Variants in PHACTR1 observed in about 807,000 individuals in gnomAD.
PHACTR1 encodes phosphatase and actin regulator 1.
In PHACTR1, 16 loss-of-function variants were observed where a neutral mutation model predicts 69.2. That is an observed-to-expected ratio of 0.23 (90% CI 0.16 to 0.35). The LOEUF (loss-of-function observed/expected upper bound fraction) is 0.35, where lower values mean the gene tolerates loss of function less well. Among genes scored for constraint, PHACTR1 ranks in the 10% least tolerant of loss-of-function variants. The pLI, the probability that PHACTR1 is intolerant of heterozygous loss-of-function variation, is 1.00. For missense variants in PHACTR1, 510 were observed against 734.7 expected (o/e 0.69, Z 3.54); for synonymous variants, 312 against 284.5 (o/e 1.10, Z -0.97).
intron 4 of PHACTR1, among the ~76,000 whole-genome samples, chr6:12,804,755 T>C (rs923013945): frequency 6.6e-6 from 1 of 152,168 alleles, no homozygotes; most frequent in African/African-American, 2.4e-5. Context: ...GCTGAAATCA[T>C]ACCACTGCAA....
At chr6:12,865,704 G>A (rs1336380623) in intron 4 of PHACTR1, among the ~76,000 whole-genome samples, 1 of 152,192 alleles carries the variant, frequency 6.6e-6, no homozygotes, top group African/African-American at 2.4e-5. Context: ...AAAATGACAG[G>A]TTTGAATTTC....
intron 4 of PHACTR1, among the ~76,000 whole-genome samples, chr6:12,969,382 C>G (rs1793892308): frequency 6.6e-6 from 1 of 152,202 alleles, no homozygotes; most frequent in Non-Finnish European, 1.5e-5. Context: ...TCCAAATACA[C>G]TAACTACAGA....
chr6:13,237,884 A>G (rs1772242677), intron 10 of PHACTR1, among the ~76,000 whole-genome samples: 1 of 152,258 alleles, frequency 6.6e-6, no homozygotes, highest in Non-Finnish European at 1.5e-5. Flanking sequence ...TTGTGCATGT[A>G]AACATAGAAA....
chr6:12,961,470 T>G (rs907305001), intron 4 of PHACTR1, among the ~76,000 whole-genome samples: 4 of 152,154 alleles, frequency 2.6e-5, no homozygotes, highest in African/African-American at 9.7e-5. Flanking sequence ...TAGAAAATAG[T>G]AAAAATAATT....
intron 5 of PHACTR1, among the ~76,000 whole-genome samples, chr6:13,131,778 C>G (rs1583496458): frequency 6.6e-6 from 1 of 152,088 alleles, no homozygotes; most frequent in East Asian, 1.9e-4. Flanking sequence ...GTTGGGTAGA[C>G]CTGTTAAATA....
chr6:13,228,097 G>A, intron 9 of PHACTR1, 34 bp downstream of exon 9: 5 of 1,589,182 alleles, frequency 3.1e-6, no homozygotes, highest in Non-Finnish European at 4.3e-6. Flanking sequence ...CAGGGGTGGG[G>A]AAGCATGCTA....
chr6:12,776,078 A>C (rs1770023912), intron 4 of PHACTR1, among the ~76,000 whole-genome samples: 1 of 152,194 alleles, frequency 6.6e-6, no homozygotes, highest in African/African-American at 2.4e-5. Context: ...GAAATAAACA[A>C]ACTACTGTCT....
chr6:12,770,045 G>A (rs938811372), intron 4 of PHACTR1, among the ~76,000 whole-genome samples: 11 of 152,194 alleles, frequency 7.2e-5, no homozygotes, highest in African/African-American at 2.7e-4. Context: ...ATGCTGATGC[G>A]ATTTGAAATG....
intron 4 of PHACTR1, among the ~76,000 whole-genome samples, chr6:12,790,056 A>T (rs888411449): frequency 8.5e-5 from 13 of 152,136 alleles, no homozygotes; most frequent in Admixed American, 3.9e-4. Flanking sequence ...ACCTCTGAAT[A>T]AGTCCCTGTT....
At chr6:13,087,294 C>G (rs1311473103) in intron 5 of PHACTR1, among the ~76,000 whole-genome samples, 1 of 150,784 alleles carries the variant, frequency 6.6e-6, no homozygotes, top group Admixed American at 6.6e-5. Flanking sequence ...ATGATTTAAC[C>G]ATTCTACCAA....
chr6:13,242,233 C>A (rs1772962014), intron 10 of PHACTR1, among the ~76,000 whole-genome samples: 1 of 152,118 alleles, frequency 6.6e-6, no homozygotes, highest in African/African-American at 2.4e-5. Context: ...AAGGGAAGAG[C>A]AGGCAGAGGA....
chr6:13,254,333 T>C (rs1441968549), intron 10 of PHACTR1, among the ~76,000 whole-genome samples: 1 of 152,234 alleles, frequency 6.6e-6, no homozygotes, highest in African/African-American at 2.4e-5. Context: ...TTTTGTGACA[T>C]GGAAAATTGT....
chr6:12,735,131 AAC>A (rs1764063832), intron 3 of PHACTR1, among the ~76,000 whole-genome samples: 1 of 152,118 alleles, frequency 6.6e-6, no homozygotes, highest in Non-Finnish European at 1.5e-5. Flanking sequence ...CTGAAAATTT[AAC>A]TGAGGCTTTC....
At chr6:13,020,545 T>C (rs969156830) in intron 4 of PHACTR1, among the ~76,000 whole-genome samples, 5 of 152,110 alleles carry the variant, frequency 3.3e-5, no homozygotes, top group Non-Finnish European at 5.9e-5. Context: ...TAGGACAAGA[T>C]GGTACTTGGG....
At chr6:12,782,206 A>G (rs1347259093) in intron 4 of PHACTR1, among the ~76,000 whole-genome samples, 1 of 152,176 alleles carries the variant, frequency 6.6e-6, no homozygotes, top group African/African-American at 2.4e-5. Flanking sequence ...TTTCTGGTCA[A>G]CCCAAGGGTT....
chr6:13,099,689 C>T (rs9463445), intron 5 of PHACTR1, among the ~76,000 whole-genome samples: 1,782 of 152,222 alleles, frequency 0.012, 34 homozygotes, highest in African/African-American at 0.041. Flanking sequence ...AGGTAAAATC[C>T]AAACATAACT....
chr6:12,835,971 A>T lies in PHACTR1; in HGVS notation c.250+86181A>T, dbSNP rs548276553. 8.0e-5 allele frequency among the ~76,000 whole-genome samples: 12 copies of T among 150,004 alleles called. No individual in the cohort carries two copies. The East Asian group carries it at 1.4e-3, about 17-fold the overall frequency. On this transcript the variant is annotated intron_variant, in intron 4 of 14. Coordinates refer to ENST00000332995, the MANE Select transcript of PHACTR1 (RefSeq NM_030948.6). Reference sequence around the variant, plus strand: ...TTTAAATTTTTTTTGAAACAAAAATAAAAAAAAATTTAAATCCTCAGTGTG... The same window carrying T: ...TTTAAATTTTTTTTGAAACAAAAATTAAAAAAAATTTAAATCCTCAGTGTG...
rs144872855 is a variant in PHACTR1, at chr6:13,142,981, A to G, written c.416-17223A>G. ...AATAATGAAATAATATTAGTTTTACACAAACTGACTCTAGATAATATAAAA... is the reference window on the plus strand; with the variant it reads ...AATAATGAAATAATATTAGTTTTACGCAAACTGACTCTAGATAATATAAAA... On this transcript the variant is annotated intron_variant, in intron 5 of 14. Coordinates refer to ENST00000332995, the MANE Select transcript of PHACTR1 (RefSeq NM_030948.6). 1.9e-3 allele frequency among the ~76,000 whole-genome samples: 284 copies of G among 152,362 alleles called. 2 individuals are homozygous for G. The highest frequency in any genetic ancestry group is 6.6e-3 in the African/African-American group (276 of 41,582).
chr6:13,019,793 G>C (rs1200202843), intron 4 of PHACTR1, among the ~76,000 whole-genome samples: 1 of 152,178 alleles, frequency 6.6e-6, no homozygotes, highest in Non-Finnish European at 1.5e-5. Context: ...ATGGGGGTGG[G>C]TGAAAGGATC....
Sources: allele counts gnomAD v4.1 joint callset (sites outside exome capture counted in the v4.1 genomes callset), GRCh38; gene constraint gnomAD v4.1.1; transcripts MANE v1.5; gene names NCBI Gene and HGNC (gene_info 2026-07-23, HGNC 2026-07-21).